Variants in AGMO observed in about 807,000 individuals in gnomAD.
AGMO encodes glyceryl-ether monooxygenase.
In AGMO, 75 loss-of-function variants were observed where a neutral mutation model predicts 60.2. The ratio of observed to expected loss-of-function variants is 1.25; its 90% CI spans 1.03 to 1.51. The LOEUF (loss-of-function observed/expected upper bound fraction) is 1.51. Among genes scored for constraint, AGMO ranks in the 40% most tolerant of loss-of-function variants. The pLI is 0.00. For missense variants in AGMO, 763 were observed against 525.5 expected (o/e 1.45, Z -4.42); for synonymous variants, 261 against 177.1 (o/e 1.47, Z -3.76).
chr7:15,163,297 A>G, the AGMO span, among the ~76,000 whole-genome samples: 5 of 152,054 alleles, frequency 3.3e-5, no homozygotes, highest in Non-Finnish European at 7.4e-5. Flanking sequence ...CACTTTTCCA[A>G]TTTGCATGCT....
chr7:15,503,080 C>A (rs1783428619), intron 3 of AGMO, among the ~76,000 whole-genome samples: 1 of 152,046 alleles, frequency 6.6e-6, no homozygotes, highest in Admixed American at 6.6e-5. Flanking sequence ...GACAAACTGA[C>A]CCACCACTTT....
At chr7:15,403,255 G>C (rs544395605) in intron 5 of AGMO, among the ~76,000 whole-genome samples, 1 of 151,218 alleles carries the variant, frequency 6.6e-6, no homozygotes, top group Non-Finnish European at 1.5e-5. Context: ...CTTTTATTTA[G>C]TTTCCTGTAG....
chr7:15,256,636 G>A (rs555910651), intron 12 of AGMO, among the ~76,000 whole-genome samples: 10 of 152,222 alleles, frequency 6.6e-5, no homozygotes, highest in African/African-American at 1.7e-4. Context: ...TGCTGGGATC[G>A]CAGGCGCAAG....
At chr7:15,443,040 C>G (rs73682006) in intron 3 of AGMO, among the ~76,000 whole-genome samples, 24,693 of 152,212 alleles carry the variant, frequency 0.16, 2,218 homozygotes, top group South Asian at 0.26. Context: ...CACTCCATCT[C>G]CCCTCTGGCT....
intron 3 of AGMO, among the ~76,000 whole-genome samples, chr7:15,450,313 G>A (rs1371189995): frequency 6.6e-6 from 1 of 151,532 alleles, no homozygotes; most frequent in African/African-American, 2.4e-5. Context: ...CCAGCGACTC[G>A]GGAGGCTGAG....
At chr7:15,430,507 T>A (rs1391536656) in intron 4 of AGMO, among the ~76,000 whole-genome samples, 1 of 151,618 alleles carries the variant, frequency 6.6e-6, no homozygotes, top group Admixed American at 6.6e-5. Context: ...TGTGAGAATA[T>A]TTTAGAGCCA....
At chr7:15,219,478 A>C (rs1316520734) in intron 12 of AGMO, among the ~76,000 whole-genome samples, 2 of 151,670 alleles carry the variant, frequency 1.3e-5, no homozygotes, top group Admixed American at 6.6e-5. Context: ...ACAATCCAGG[A>C]AGGAAAAAAA....
the AGMO span, among the ~76,000 whole-genome samples, chr7:15,177,233 A>T: frequency 8.1e-3 from 1,227 of 152,182 alleles, 22 homozygotes; most frequent in African/African-American, 0.029. Context: ...AACATACCAA[A>T]AATTTTTAAA....
chr7:15,398,203 G>A (rs1417263768), intron 5 of AGMO, among the ~76,000 whole-genome samples: 1 of 152,130 alleles, frequency 6.6e-6, no homozygotes, highest in East Asian at 1.9e-4. Flanking sequence ...CCTGGCGTGT[G>A]TGCAGCCAGA....
intron 12 of AGMO, among the ~76,000 whole-genome samples, chr7:15,222,967 T>C (rs1456080441): frequency 6.6e-6 from 1 of 151,950 alleles, no homozygotes; most frequent in East Asian, 1.9e-4. Flanking sequence ...TCTCAAAATA[T>C]GCCCTACTGA....
At chr7:15,553,088 G>A (rs1168848055) in intron 2 of AGMO, among the ~76,000 whole-genome samples, 6 of 149,162 alleles carry the variant, frequency 4.0e-5, no homozygotes, top group South Asian at 4.2e-4. Context: ...ACCAAACACC[G>A]CATATTCTCA....
At chr7:15,304,521 T>C (rs529227386) in intron 12 of AGMO, among the ~76,000 whole-genome samples, 1 of 152,244 alleles carries the variant, frequency 6.6e-6, no homozygotes, top group East Asian at 1.9e-4. Flanking sequence ...ACATCAGTTT[T>C]ATTACAGAAA....
chr7:15,309,182 G>C (rs1780695681), intron 12 of AGMO, among the ~76,000 whole-genome samples: 1 of 152,018 alleles, frequency 6.6e-6, no homozygotes, highest in Non-Finnish European at 1.5e-5. Context: ...AATCCTTTGG[G>C]GGAACATCTT....
chr7:15,425,849 G>C (rs28498586), intron 4 of AGMO, among the ~76,000 whole-genome samples: 83,439 of 151,538 alleles, frequency 0.55, 23,212 homozygotes, highest in Middle Eastern at 0.69. Flanking sequence ...CAATACCAAC[G>C]TAGAGAACAT....
At chr7:15,269,173 T>A (rs1164883286) in intron 12 of AGMO, among the ~76,000 whole-genome samples, 1 of 152,112 alleles carries the variant, frequency 6.6e-6, no homozygotes, top group Non-Finnish European at 1.5e-5. Flanking sequence ...TAAAACTGTA[T>A]TTATAATAAT....
intron 2 of AGMO, among the ~76,000 whole-genome samples, chr7:15,547,256 C>A (rs1254136501): frequency 6.6e-6 from 1 of 152,130 alleles, no homozygotes; most frequent in Non-Finnish European, 1.5e-5. Flanking sequence ...AAAATTTTCC[C>A]CAGTTGATAA....
At chr7:15,343,447 G>C (rs1432996164) in intron 12 of AGMO, among the ~76,000 whole-genome samples, 1 of 152,128 alleles carries the variant, frequency 6.6e-6, no homozygotes, top group Non-Finnish European at 1.5e-5. Context: ...AGGATTAAGA[G>C]ATTTTAGAAT....
At chr7:15,226,058 T>C (rs1563043554) in intron 12 of AGMO, among the ~76,000 whole-genome samples, 1 of 152,074 alleles carries the variant, frequency 6.6e-6, no homozygotes, top group South Asian at 2.1e-4. Flanking sequence ...GGCCAAAGTT[T>C]ATCGTTGCTT....
At chr7:15,368,397 G>A (rs1783067697) in intron 10 of AGMO, among the ~76,000 whole-genome samples, 1 of 151,984 alleles carries the variant, frequency 6.6e-6, no homozygotes, top group Non-Finnish European at 1.5e-5. Flanking sequence ...GTTTTGGCGG[G>A]GAAAAATTTA....
Sources: allele counts gnomAD v4.1 joint callset (sites outside exome capture counted in the v4.1 genomes callset), GRCh38; gene constraint gnomAD v4.1.1; transcripts MANE v1.5; gene names NCBI Gene and HGNC (gene_info 2026-07-23, HGNC 2026-07-21).